The following XKR9 variants were observed in gnomAD, a reference collection of about 807,000 sequenced individuals.
XKR9 encodes XK-related protein 9.
A neutral mutation model predicts 32.0 loss-of-function variants in XKR9; 32 were observed. The observed-to-expected ratio is 1.00, with a 90% CI of 0.76 to 1.34. The LOEUF (loss-of-function observed/expected upper bound fraction) is 1.34. Among genes scored for constraint, XKR9 ranks in the 40% most tolerant of loss-of-function variants. The pLI is 0.00. For synonymous variants in XKR9, 168 were observed against 143.4 expected (o/e 1.17, Z -1.22); for missense variants, 546 against 429.7 (o/e 1.27, Z -2.39).
intron 3 of XKR9, among the ~76,000 whole-genome samples, chr8:70,692,210 C>G (rs1457263923): frequency 6.6e-6 from 1 of 151,878 alleles, no homozygotes; most frequent in Non-Finnish European, 1.5e-5. Context: ...TTATTTGGCT[C>G]TCAGTTTGGT....
At chr8:70,703,804 A>G (rs1464336245) in intron 3 of XKR9, among the ~76,000 whole-genome samples, 2 of 152,196 alleles carry the variant, frequency 1.3e-5, no homozygotes, top group Admixed American at 6.5e-5. Flanking sequence ...AAAAGAAGAT[A>G]TAGGGATAAA....
rs1819237635 is a variant in XKR9 at position 70,685,510 on chromosome 8, TAAAG to T, written c.272+4184_272+4187del. Among the ~76,000 whole-genome samples, 5 of 143,214 alleles carry T rather than the reference TAAAG, an allele frequency of 3.5e-5. No homozygotes were observed. The South Asian group carries it at 1.1e-3, about 32-fold the overall frequency. The allele number at this position is 143,214 out of a possible 152,430, so 94.0% of individuals were successfully genotyped here. A position where few individuals can be genotyped will look rare whatever the true frequency, so the allele number is the denominator to read the frequency against. Reference sequence around the variant, plus strand: ...TAAAGTATAATAATAATAATAATAATAAAGAAAATGTGGCACACATACACCATGG... The same window carrying T: ...TAAAGTATAATAATAATAATAATAATAAAATGTGGCACACATACACCATGG... On this transcript the variant is annotated intron_variant, in intron 3 of 4. Transcript: ENST00000408926.
At chr8:70,729,557 T>C (rs1445356076) in intron 4 of XKR9, among the ~76,000 whole-genome samples, 1 of 152,112 alleles carries the variant, frequency 6.6e-6, no homozygotes, top group Non-Finnish European at 1.5e-5. Flanking sequence ...TGTCAAAGTT[T>C]TGTAGCTGAT....
chr8:70,844,680 A>T, the XKR9 span, among the ~76,000 whole-genome samples: 36 of 152,132 alleles, frequency 2.4e-4, no homozygotes, highest in Non-Finnish European at 2.6e-4. Context: ...CCTGTTCACC[A>T]CCGTCATCTG....
chr8:70,817,717 T>A, the XKR9 span, among the ~76,000 whole-genome samples: 1 of 152,116 alleles, frequency 6.6e-6, no homozygotes, highest in African/African-American at 2.4e-5. Context: ...TTACCAGATT[T>A]CAAACGATAC....
At chr8:70,733,390 TCAC>T (rs1806737203) in intron 4 of XKR9, among the ~76,000 whole-genome samples, 1 of 151,964 alleles carries the variant, frequency 6.6e-6, no homozygotes, top group South Asian at 2.1e-4. Flanking sequence ...ATGCCTAAAA[TCAC>T]AGTCAAAACA....
At chr8:70,759,414 T>A (rs1184822478) in intron 2 of XKR9, among the ~76,000 whole-genome samples, 2 of 152,106 alleles carry the variant, frequency 1.3e-5, no homozygotes, top group South Asian at 2.1e-4. Context: ...AAGGATATAG[T>A]TTAGTTACTG....
At chr8:70,918,335 A>C in the XKR9 span, among the ~76,000 whole-genome samples, 1 of 152,144 alleles carries the variant, frequency 6.6e-6, no homozygotes, top group Non-Finnish European at 1.5e-5. Context: ...AGAGGATGGG[A>C]ACATGGGTGC....
the XKR9 span, among the ~76,000 whole-genome samples, chr8:70,916,814 T>C: frequency 6.6e-6 from 1 of 152,218 alleles, no homozygotes; most frequent in African/African-American, 2.4e-5. Context: ...GATTGGAGTA[T>C]TGAAGTCTTC....
At chr8:70,884,237 T>A in the XKR9 span, among the ~76,000 whole-genome samples, 2 of 151,358 alleles carry the variant, frequency 1.3e-5, no homozygotes, top group East Asian at 4.4e-4. Flanking sequence ...TTTTAGTTTA[T>A]CATTGTTGAG....
At chr8:71,044,899 C>T in the XKR9 span, among the ~76,000 whole-genome samples, 36 of 152,164 alleles carry the variant, frequency 2.4e-4, no homozygotes, top group Admixed American at 2.6e-4. Context: ...AAGCTCTGTC[C>T]ATGAGGAAAT....
the XKR9 span, among the ~76,000 whole-genome samples, chr8:70,882,188 C>T: frequency 6.6e-6 from 1 of 152,028 alleles, no homozygotes; most frequent in Non-Finnish European, 1.5e-5. Context: ...TGCAGCAAAC[C>T]AACATGGTTC....
intron 2 of XKR9, among the ~76,000 whole-genome samples, chr8:70,771,323 T>C (rs1007233942): frequency 6.6e-6 from 1 of 152,212 alleles, no homozygotes; most frequent in Non-Finnish European, 1.5e-5. Flanking sequence ...TGCATTGGTC[T>C]CTGGGAGCTG....
the XKR9 span, among the ~76,000 whole-genome samples, chr8:70,874,826 G>T: frequency 5.3e-5 from 8 of 152,146 alleles, no homozygotes; most frequent in African/African-American, 1.9e-4. Flanking sequence ...TAATAAAGTG[G>T]GTATTAGTAG....
the XKR9 span, among the ~76,000 whole-genome samples, chr8:70,816,955 A>G: frequency 1.5e-4 from 23 of 152,292 alleles, no homozygotes; most frequent in Middle Eastern, 6.8e-3. Context: ...CCAACTGGGC[A>G]TTGAAGGAAC....
At chr8:70,698,526 T>G (rs965838939) in intron 3 of XKR9, among the ~76,000 whole-genome samples, 1 of 152,240 alleles carries the variant, frequency 6.6e-6, no homozygotes, top group South Asian at 2.1e-4. Context: ...GAGTTCTAGT[T>G]TGATTGCACT....
At chr8:70,736,406 AT>A (rs1422074910), downstream of XKR9, among the ~76,000 whole-genome samples, 1 of 151,846 alleles carries the variant, frequency 6.6e-6, no homozygotes, top group Non-Finnish European at 1.5e-5. Flanking sequence ...ATTTTCTCCC[AT>A]TTTGTAGGTT....
At chr8:70,963,932 A>T in the XKR9 span, among the ~76,000 whole-genome samples, 1 of 152,068 alleles carries the variant, frequency 6.6e-6, no homozygotes, top group Non-Finnish European at 1.5e-5. Flanking sequence ...TACTCTGATG[A>T]TAGTTTCTTT....
chr8:70,756,124 T>A (rs1165780560), intron 2 of XKR9, among the ~76,000 whole-genome samples: 1 of 152,202 alleles, frequency 6.6e-6, no homozygotes, highest in Non-Finnish European at 1.5e-5. Context: ...GTTGAAAAGA[T>A]ATTCTTTATT....
Sources: allele counts gnomAD v4.1 joint callset (sites outside exome capture counted in the v4.1 genomes callset), GRCh38; gene constraint gnomAD v4.1.1; transcripts MANE v1.5; gene names NCBI Gene and HGNC (gene_info 2026-07-23, HGNC 2026-07-21).